The following NEK10 variants were observed in gnomAD, a reference collection of about 807,000 sequenced individuals.
NEK10 encodes serine/threonine-protein kinase Nek10.
A neutral mutation model predicts 159.8 loss-of-function variants in NEK10; 122 were observed. The observed-to-expected ratio is 0.76, with a 90% CI of 0.66 to 0.89. The LOEUF (loss-of-function observed/expected upper bound fraction) is 0.89, where lower values mean the gene tolerates loss of function less well. Among genes scored for constraint, NEK10 ranks in the 40% least tolerant of loss-of-function variants. The probability of loss-of-function intolerance (pLI) is 0.00; values close to 1 mark genes in which losing one functional copy is unlikely to be tolerated. For missense variants in NEK10, 1,342 were observed against 1,323.1 expected (o/e 1.01, Z -0.22); for synonymous variants, 466 against 457.1 (o/e 1.02, Z -0.25).
intron 26 of NEK10, among the ~76,000 whole-genome samples, chr3:27,186,093 A>T (rs1020493611): frequency 6.6e-6 from 1 of 152,252 alleles, no homozygotes; most frequent in Admixed American, 6.5e-5. Flanking sequence ...CTTGCCGAGC[A>T]TAAGTACCTG....
chr3:27,145,958 A>G (rs1433823186), intron 30 of NEK10, among the ~76,000 whole-genome samples: 1 of 152,214 alleles, frequency 6.6e-6, no homozygotes, highest in African/African-American at 2.4e-5. Flanking sequence ...GCAAGGACAC[A>G]GCTAGAAGGC....
chr3:27,184,218 T>C (rs1013489889), intron 26 of NEK10, among the ~76,000 whole-genome samples: 8 of 152,198 alleles, frequency 5.3e-5, no homozygotes, highest in Admixed American at 3.3e-4. Context: ...AATTACGGTG[T>C]AGTCATATAA....
At chr3:27,317,246 A>T (rs2045272152) in intron 6 of NEK10, among the ~76,000 whole-genome samples, 1 of 152,208 alleles carries the variant, frequency 6.6e-6, no homozygotes, top group Non-Finnish European at 1.5e-5. Flanking sequence ...CTAACCTGAG[A>T]GTGTAAACTA....
At chr3:27,287,617 T>G (rs1006356275) in intron 20 of NEK10, 81 bp downstream of exon 20, 1 of 1,426,822 alleles carries the variant, frequency 7.0e-7, no homozygotes, top group Non-Finnish European at 9.4e-7. Context: ...TGATTAGGTT[T>G]CTTTTGTGAC....
chr3:27,344,677 G>C (rs2047431601), intron 4 of NEK10, among the ~76,000 whole-genome samples: 1 of 152,074 alleles, frequency 6.6e-6, no homozygotes. Flanking sequence ...GCTAAAATTG[G>C]TTGGAGGGAA....
At chr3:27,177,020 C>T (rs963548524) in intron 26 of NEK10, among the ~76,000 whole-genome samples, 7 of 152,048 alleles carry the variant, frequency 4.6e-5, no homozygotes, top group Non-Finnish European at 8.8e-5. Context: ...CTGGAGTCCC[C>T]GCTGAAAAAG....
At chr3:27,149,498 C>T (rs1009995572) in intron 30 of NEK10, among the ~76,000 whole-genome samples, 1 of 152,182 alleles carries the variant, frequency 6.6e-6, no homozygotes, top group African/African-American at 2.4e-5. Flanking sequence ...ATATTTCAAA[C>T]ATTTTCATTA....
At chr3:27,321,064 A>C (rs2045588754) in intron 6 of NEK10, among the ~76,000 whole-genome samples, 1 of 152,130 alleles carries the variant, frequency 6.6e-6, no homozygotes, top group East Asian at 1.9e-4. Context: ...ACATATTCTG[A>C]CTCAAATAAC....
intron 22 of NEK10, among the ~76,000 whole-genome samples, chr3:27,264,424 T>C (rs2040703419): frequency 2.0e-5 from 3 of 152,172 alleles, no homozygotes; most frequent in African/African-American, 7.2e-5. Context: ...CAGTGACATA[T>C]AAAAAGCATA....
intron 35 of NEK10, 93 bp from the exon 36 acceptor site, chr3:27,111,413 T>C (rs934459846): frequency 1.1e-4 from 103 of 916,366 alleles, no homozygotes; most frequent in Middle Eastern, 1.1e-3. Context: ...GGCATATAAG[T>C]AAATAAATCA....
chr3:27,128,886 C>T (rs1163910886), intron 32 of NEK10, among the ~76,000 whole-genome samples: 1 of 152,040 alleles, frequency 6.6e-6, no homozygotes, highest in African/African-American at 2.4e-5. Context: ...CACCTATATC[C>T]CCAAGGAGTC....
chr3:27,162,157 T>G, intron 30 of NEK10: 1 of 316,820 alleles, frequency 3.2e-6, no homozygotes, highest in Non-Finnish European at 5.8e-6. Flanking sequence ...TAAAACATGG[T>G]TACTATTTTT....
At chr3:27,313,100 C>CAAA (rs56742417) in intron 7 of NEK10, among the ~76,000 whole-genome samples, 2 of 114,110 alleles carry the variant, frequency 1.8e-5, no homozygotes, top group African/African-American at 3.2e-5. Flanking sequence ...ACTAAAAATA[C>CAAA]AAAAAAAAAA....
At chr3:27,343,531 A>T (rs1232546360) in intron 5 of NEK10, among the ~76,000 whole-genome samples, 1 of 152,226 alleles carries the variant, frequency 6.6e-6, no homozygotes, top group East Asian at 1.9e-4. Context: ...CAGCTGATGC[A>T]TCTGTGAAGA....
At chr3:27,123,280 T>C (rs1028359918) in intron 32 of NEK10, among the ~76,000 whole-genome samples, 7 of 152,156 alleles carry the variant, frequency 4.6e-5, no homozygotes, top group Non-Finnish European at 1.5e-5. Context: ...AGAAGGGTCC[T>C]TCATGAAGAC....
At chr3:27,278,656 A>G in intron 22 of NEK10, 1 of 964,990 alleles carries the variant, frequency 1.0e-6, no homozygotes, top group African/African-American at 1.8e-5. Flanking sequence ...AAATCTATTA[A>G]CTATAATTAA....
chr3:27,335,717 A>C (rs2046754054), intron 5 of NEK10, among the ~76,000 whole-genome samples: 1 of 152,226 alleles, frequency 6.6e-6, no homozygotes. Flanking sequence ...GGAACTTTGG[A>C]AACTACACAA....
rs374511107 is a variant in NEK10 at position 27,192,202 on chromosome 3, C to T, written c.2332G>A (p.Glu778Lys). 1 of 1,614,136 alleles carries T rather than the reference C, an allele frequency of 6.2e-7. No individual in the cohort carries two copies. The highest frequency in any genetic ancestry group is 1.7e-5 in the Admixed American group (1 of 60,018). Residue 778 changes from glutamate (E) to lysine (K), a missense_variant, in exon 26 of 36, where the codon GAA becomes AAA. Coordinates refer to ENST00000691995, the MANE Select transcript of NEK10 (RefSeq NM_001394966.1). ...PDAEARPDIV[E>K]VSSMISDVMM... is the part of the protein sequence containing the mutation. ...ACATCTGATATCATCGAACTGACTT[C>T]TACAATATCTGGACGAGCTTCCGCA...
rs570984921 is a variant in NEK10, at chr3:27,162,831, G to A, written c.2832-93C>T. ...ATCTTGCTATGGTCTACATTATAAA[G>A]ATTAATAGAGATTATTTTCCCTCAA... On this transcript the variant is annotated intron_variant, in intron 29 of 35. Transcript: ENST00000691995. The A allele has an allele frequency of 2.1e-5, 32 of 1,512,182 alleles. No individual in the cohort carries two copies. In the South Asian group the frequency reaches 3.7e-4, roughly 17 times the overall value. The allele number at this position is 1,512,182 out of a possible 1,614,324, so 93.7% of individuals were successfully genotyped here. A position where few individuals can be genotyped will look rare whatever the true frequency, so the allele number is the denominator to read the frequency against.
Sources: allele counts gnomAD v4.1 joint callset (sites outside exome capture counted in the v4.1 genomes callset), GRCh38; gene constraint gnomAD v4.1.1; transcripts MANE v1.5; gene names NCBI Gene and HGNC (gene_info 2026-07-23, HGNC 2026-07-21).